The following KATNAL1 variants were observed in gnomAD, a reference collection of about 807,000 sequenced individuals.
KATNAL1 encodes katanin p60 ATPase-containing subunit A-like 1.
In KATNAL1, 32 loss-of-function variants were observed where a neutral mutation model predicts 55.2. That is an observed-to-expected ratio of 0.58 (90% CI 0.44 to 0.78). The LOEUF (loss-of-function observed/expected upper bound fraction) is 0.78. KATNAL1 is among the 30% of genes least tolerant of loss of function. The pLI is 0.00. For synonymous variants in KATNAL1, 193 were observed against 193.6 expected, an observed-to-expected ratio of 1.00 and a Z score of 0.02; for missense variants, 466 against 600.9, an observed-to-expected ratio of 0.78 and a Z score of 2.35.
At chr13:30,281,561 CAAT>C (rs1881337648) in intron 2 of KATNAL1, among the ~76,000 whole-genome samples, 2 of 152,124 alleles carry the variant, frequency 1.3e-5, no homozygotes, top group Non-Finnish European at 2.9e-5. Context: ...ATATTGTTCT[CAAT>C]CAATATAACT....
intron 3 of KATNAL1, among the ~76,000 whole-genome samples, chr13:30,266,923 T>C (rs1879822334): frequency 6.6e-6 from 1 of 152,318 alleles, no homozygotes; most frequent in Admixed American, 6.5e-5. Flanking sequence ...AGCATTTTGA[T>C]GTTACCCACA....
At chr13:30,303,216 A>G (rs1310158306) in intron 1 of KATNAL1, among the ~76,000 whole-genome samples, 2 of 152,216 alleles carry the variant, frequency 1.3e-5, no homozygotes, top group East Asian at 1.9e-4. Context: ...CAAAAGAAAC[A>G]TATCTAAAGA....
At chr13:30,305,315 C>G (rs886739620) in intron 1 of KATNAL1, among the ~76,000 whole-genome samples, 1 of 152,242 alleles carries the variant, frequency 6.6e-6, no homozygotes, top group South Asian at 2.1e-4. Context: ...AATACTGATT[C>G]TTCAATCTAT....
chr13:30,247,250 G>C (rs1221915353), intron 4 of KATNAL1, among the ~76,000 whole-genome samples: 3 of 152,158 alleles, frequency 2.0e-5, no homozygotes, highest in Middle Eastern at 3.4e-3. Context: ...AGTTAGACAA[G>C]GTTTCTAAAT....
At chr13:30,276,243 T>A (rs1051443489) in intron 3 of KATNAL1, among the ~76,000 whole-genome samples, 1 of 152,184 alleles carries the variant, frequency 6.6e-6, no homozygotes, top group Non-Finnish European at 1.5e-5. Context: ...CAACTGCTGG[T>A]GATTTAAACC....
chr13:30,241,017 T>C lies in KATNAL1; in HGVS notation c.562A>G (p.Lys188Glu). The change falls in exon 5 of 11, where the codon AAG (lysine) becomes GAG (glutamate). Residue 188 changes from lysine to glutamate, a missense_variant. Lys to Glu is a moderately conservative substitution (Grantham distance 56). Coordinates refer to ENST00000380615, the MANE Select transcript of KATNAL1 (RefSeq NM_032116.5). ...CTTTCAAGGGCTTCCACCAGATCCT[T>C]ATCATAACCAGCACCATCAAATTTT... ...MPKFDGAGYD[K>E]DLVEALERDI... The C allele has an allele frequency of 6.2e-7, 1 of 1,613,742 alleles. No individual in the cohort carries two copies. The highest frequency in any genetic ancestry group is 1.3e-5 in the African/African-American group (1 of 75,024).
chr13:30,212,595 T>C (rs996529943), intron 9 of KATNAL1, among the ~76,000 whole-genome samples: 7 of 152,142 alleles, frequency 4.6e-5, no homozygotes, highest in African/African-American at 1.7e-4. Flanking sequence ...TTGGAAAACA[T>C]ATTGAATTCA....
rs536008868 is a variant in KATNAL1 at position 30,232,584 on chromosome 13, A to C, written c.727-1112T>G. On this transcript the variant is annotated intron_variant, in intron 6 of 10. Coordinates refer to ENST00000380615, the MANE Select transcript of KATNAL1 (RefSeq NM_032116.5). ...TTGATGCTATAGGCATAACCAGAGC[A>C]AAGTTCTTATTTCTCCGATGCCTTT... is the stretch of plus-strand genomic sequence containing the variant. 1.8e-3 allele frequency among the ~76,000 whole-genome samples: 267 copies of C among 152,318 alleles called. 2 individuals are homozygous for C. Among genetic ancestry groups the C allele is most frequent in the African/African-American group, 5.7e-3 (239 of 41,576 alleles).
At chr13:30,301,336 C>A (rs1024133886) in intron 1 of KATNAL1, among the ~76,000 whole-genome samples, 7 of 152,100 alleles carry the variant, frequency 4.6e-5, no homozygotes, top group African/African-American at 1.4e-4. Flanking sequence ...CCACTGCACT[C>A]CAACCTGGGC....
intron 1 of KATNAL1, chr13:30,296,038 TAAA>T (rs34043407): frequency 1.1e-3 from 167 of 158,316 alleles, no homozygotes; most frequent in Middle Eastern, 2.7e-3. Flanking sequence ...ATGCCAATTC[TAAA>T]AAAAAAAAAA....
intron 3 of KATNAL1, among the ~76,000 whole-genome samples, chr13:30,274,631 T>C (rs1251998558): frequency 6.6e-6 from 1 of 152,126 alleles, no homozygotes; most frequent in Non-Finnish European, 1.5e-5. Context: ...TGGAATAAAT[T>C]GGTACTACAT....
At chr13:30,293,127 ATTTC>A (rs1882246996) in intron 1 of KATNAL1, among the ~76,000 whole-genome samples, 1 of 152,030 alleles carries the variant, frequency 6.6e-6, no homozygotes, top group Non-Finnish European at 1.5e-5. Flanking sequence ...TTCATTAAAA[ATTTC>A]TTTCCATTTT....
intron 3 of KATNAL1, among the ~76,000 whole-genome samples, chr13:30,264,925 T>C (rs771963214): frequency 0.021 from 3,088 of 145,068 alleles, 39 homozygotes; most frequent in Non-Finnish European, 0.033. Context: ...CATGCACATG[T>C]ATGTTTATTG....
chr13:30,237,583 AT>A (rs1227353055), intron 6 of KATNAL1, among the ~76,000 whole-genome samples: 1 of 152,168 alleles, frequency 6.6e-6, no homozygotes, highest in African/African-American at 2.4e-5. Context: ...CCTCAATATT[AT>A]TCTGTTAGAG....
In KATNAL1 at chr13:30,289,360, G is replaced by A. The variant is rs374666896; in HGVS notation, c.-14-5569C>T. 7.2e-5 allele frequency among the ~76,000 whole-genome samples: 11 copies of A among 152,280 alleles called. 1 individual carries two copies. Among genetic ancestry groups the A allele is most frequent in the East Asian group, 1.9e-4 (1 of 5,182 alleles). On this transcript the variant is annotated intron_variant, in intron 1 of 10. Transcript: ENST00000380615. Reference sequence around the variant, plus strand: ...TTACCTTCTCCAGACACAATTCTGCGCCTGTTGTAACCAACACAATTTAGT... The same window carrying A: ...TTACCTTCTCCAGACACAATTCTGCACCTGTTGTAACCAACACAATTTAGT...
intron 2 of KATNAL1, among the ~76,000 whole-genome samples, chr13:30,283,241 T>C (rs1309719780): frequency 3.8e-5 from 4 of 105,536 alleles, no homozygotes; most frequent in African/African-American, 7.6e-5. Flanking sequence ...CACTCCGGCC[T>C]GGGCGACAGA....
intron 3 of KATNAL1, among the ~76,000 whole-genome samples, chr13:30,274,606 G>T (rs1880614312): frequency 1.3e-5 from 2 of 152,110 alleles, no homozygotes; most frequent in Non-Finnish European, 2.9e-5. Context: ...ATGTAACTTT[G>T]AAAGACCTAC....
intron 3 of KATNAL1, among the ~76,000 whole-genome samples, chr13:30,256,774 C>T (rs1005122086): frequency 6.6e-6 from 1 of 152,096 alleles, no homozygotes; most frequent in African/African-American, 2.4e-5. Context: ...AATTAGACTA[C>T]ATCGTGAAAT....
rs1203954511 is a variant in KATNAL1, at chr13:30,204,347, C to T, written c.*4193G>A. 6.6e-6 allele frequency: 1 copy of T among 152,144 alleles called. No homozygotes were observed. The highest frequency in any genetic ancestry group is 1.5e-5 in the Non-Finnish European group (1 of 68,022). 9.4% of individuals were successfully genotyped at this position (152,144 alleles called of 1,614,324 possible). ...ATCCACTATTAGGCAAAGAAAGACT[C>T]AATAACCTAGACAATACTGAAGGAA... On this transcript the variant is annotated 3_prime_UTR_variant, in exon 11 of 11. Transcript: ENST00000380615.
Sources: gnomAD v4.1 joint callset for allele counts (sites outside exome capture counted in the v4.1 genomes callset) on GRCh38, gnomAD v4.1.1 for gene constraint, MANE v1.5 for transcripts, NCBI Gene and HGNC (gene_info 2026-07-23, HGNC 2026-07-21) for gene names.